Variants in SEC11C observed in about 807,000 individuals in gnomAD.
The protein encoded by SEC11C is signal peptidase complex catalytic subunit SEC11C.
SEC11C carries 10 observed loss-of-function variants against 21.9 expected under a neutral mutation model. The observed-to-expected ratio is 0.46, with a 90% CI of 0.28 to 0.77. The LOEUF is 0.77. SEC11C is among the 30% of genes least tolerant of loss of function. The probability of loss-of-function intolerance (pLI) is 0.12; values close to 1 mark genes in which losing one functional copy is unlikely to be tolerated. For missense variants in SEC11C, 145 were observed against 244.5 expected (o/e 0.59, Z 2.71); for synonymous variants, 83 against 85.6 (o/e 0.97, Z 0.17).
chr18:59,152,578 C>G lies in SEC11C; in HGVS notation c.240C>G (p.Phe80Leu), dbSNP rs187865687. ...CCTTTCACAGAGGAGACCTCCTGTTCCTCACAAATTTCCGGGAAGACCCAA... is the reference window on the plus strand; with the variant it reads ...CCTTTCACAGAGGAGACCTCCTGTTGCTCACAAATTTCCGGGAAGACCCAA... ...EPAFHRGDLLFLTNFREDPIR... is the reference protein window; with the variant it reads ...EPAFHRGDLLLLTNFREDPIR... Residue 80 changes from phenylalanine to leucine, a missense_variant, in exon 3 of 6, where the codon TTC becomes TTG. Coordinates refer to ENST00000587834, the MANE Select transcript of SEC11C (RefSeq NM_033280.4). 1.2e-6 allele frequency: 2 copies of G among 1,612,534 alleles called. No homozygotes were observed. The highest frequency in any genetic ancestry group is 1.3e-5 in the African/African-American group (1 of 74,820).
chr18:59,149,830 C>T (rs4940844), intron 2 of SEC11C, among the ~76,000 whole-genome samples: 48,041 of 152,118 alleles, frequency 0.32, 8,239 homozygotes, highest in African/African-American at 0.45. Context: ...TCTTAGTAGA[C>T]ATTTTAGAGC....
Position 59,155,808 on chromosome 18 carries a change from G to A in SEC11C, c.467+1G>A. On this transcript the variant is annotated splice_donor_variant, in intron 4 of 5. Coordinates refer to ENST00000587834, the MANE Select transcript of SEC11C (RefSeq NM_033280.4). LOFTEE classifies it high-confidence loss of function. ...AGGACGTGGTGGGAAGAGCAAGAGG[G>A]TGAGGATTCACCTTTAAGTTATATA... 1 of 1,613,514 alleles carries A rather than the reference G, an allele frequency of 6.2e-7. No individual in the cohort carries two copies. Among genetic ancestry groups the A allele is most frequent in the Non-Finnish European group, 8.5e-7 (1 of 1,179,710 alleles).
At chr18:59,142,031 A>C (rs2069216561) in intron 1 of SEC11C, among the ~76,000 whole-genome samples, 1 of 152,178 alleles carries the variant, frequency 6.6e-6, no homozygotes, top group African/African-American at 2.4e-5. Flanking sequence ...GAACAACAAC[A>C]AAAGCACCTG....
At chr18:59,140,569 C>T (rs139718349) in intron 1 of SEC11C, among the ~76,000 whole-genome samples, 101 of 152,300 alleles carry the variant, frequency 6.6e-4, no homozygotes, top group African/African-American at 2.4e-3. Context: ...AAATAATGCT[C>T]CTTGTGCCTA....
intron 1 of SEC11C, among the ~76,000 whole-genome samples, chr18:59,149,174 G>T (rs920042426): frequency 6.6e-6 from 1 of 152,212 alleles, no homozygotes; most frequent in Admixed American, 6.5e-5. Flanking sequence ...GGTCTGCATC[G>T]GGAGGCTCTG....
At chr18:59,158,082 A>G (rs1355855616) in intron 5 of SEC11C, among the ~76,000 whole-genome samples, 1 of 152,056 alleles carries the variant, frequency 6.6e-6, no homozygotes, top group Admixed American at 6.6e-5. Flanking sequence ...TTTGGACGGA[A>G]TCTGGCTCTG....
chr18:59,140,405 G>C (rs888382662), intron 1 of SEC11C, among the ~76,000 whole-genome samples: 4 of 152,228 alleles, frequency 2.6e-5, no homozygotes, highest in African/African-American at 9.6e-5. Flanking sequence ...TTCTCTGTGG[G>C]GCTTCAGAGG....
intron 3 of SEC11C, among the ~76,000 whole-genome samples, chr18:59,154,045 G>T (rs1325215452): frequency 6.6e-6 from 1 of 152,058 alleles, no homozygotes; most frequent in Non-Finnish European, 1.5e-5. Flanking sequence ...CACAGATATT[G>T]ATACTTATTC....
At chr18:59,147,270 C>T (rs1231678642) in intron 1 of SEC11C, 1 of 152,166 alleles carries the variant, frequency 6.6e-6, no homozygotes, top group East Asian at 1.9e-4. Flanking sequence ...CACATTCCAT[C>T]TCAGTTAATA....
intron 1 of SEC11C, among the ~76,000 whole-genome samples, chr18:59,145,603 G>T (rs991836764): frequency 3.3e-5 from 5 of 152,182 alleles, no homozygotes; most frequent in Non-Finnish European, 5.9e-5. Context: ...ATCAGACAGG[G>T]CCTTAGAGGC....
At chr18:59,152,487 C>A in intron 2 of SEC11C, 49 bp from the exon 3 acceptor site, 1 of 1,538,618 alleles carries the variant, frequency 6.5e-7, no homozygotes, top group Non-Finnish European at 8.7e-7. Flanking sequence ...ATTCTGATCG[C>A]CTTTTGGACA....
At chr18:59,146,325 G>A (rs185332193) in intron 1 of SEC11C, among the ~76,000 whole-genome samples, 12 of 152,338 alleles carry the variant, frequency 7.9e-5, no homozygotes, top group Admixed American at 5.2e-4. Flanking sequence ...GAGAAGGTAA[G>A]TTTAATTTTG....
chr18:59,144,505 A>C (rs11152128), intron 1 of SEC11C, among the ~76,000 whole-genome samples: 68,915 of 151,934 alleles, frequency 0.45, 16,267 homozygotes, highest in East Asian at 0.63. Flanking sequence ...GGATTGCTTG[A>C]GGCTAGTATG....
In SEC11C at chr18:59,146,745, T is replaced by G. The variant is rs150663155; in HGVS notation, c.88-2768T>G. Among the ~76,000 whole-genome samples, 5 of 152,048 alleles carry G rather than the reference T, an allele frequency of 3.3e-5. No individual in the cohort carries two copies. The East Asian group carries it at 9.7e-4, about 29-fold the overall frequency. ...GTGAAGGAGAAGAGAGTGTGAAAGC[T>G]GGAGGAGGATGTGAGGTGGAGGAAG... On this transcript the variant is annotated intron_variant, in intron 1 of 5. Transcript: ENST00000587834.
intron 1 of SEC11C, among the ~76,000 whole-genome samples, chr18:59,148,329 G>A (rs1199581551): frequency 6.6e-6 from 1 of 152,224 alleles, no homozygotes; most frequent in Admixed American, 6.5e-5. Flanking sequence ...CTTGCGCCTG[G>A]AAGGAAGGCG....
intron 1 of SEC11C, among the ~76,000 whole-genome samples, chr18:59,141,358 G>A (rs2069208018): frequency 6.6e-6 from 1 of 152,204 alleles, no homozygotes; most frequent in Non-Finnish European, 1.5e-5. Flanking sequence ...CATTGATGCT[G>A]TTCACAAGAA....
chr18:59,145,451 A>C (rs1009419396), intron 1 of SEC11C, among the ~76,000 whole-genome samples: 1 of 152,208 alleles, frequency 6.6e-6, no homozygotes, highest in African/African-American at 2.4e-5. Context: ...GTGTTTGGTA[A>C]ACTAAGGGGT....
chr18:59,150,138 A>G (rs2069330568), intron 2 of SEC11C, among the ~76,000 whole-genome samples: 1 of 152,218 alleles, frequency 6.6e-6, no homozygotes, highest in South Asian at 2.1e-4. Flanking sequence ...ATTAGAGTTA[A>G]CTTCACACAG....
In SEC11C at chr18:59,142,476, A is replaced by G. The variant is rs545917029; in HGVS notation, c.87+2441A>G. 5.3e-5 allele frequency among the ~76,000 whole-genome samples: 8 copies of G among 152,326 alleles called. No individual in the cohort carries two copies. The East Asian group carries it at 1.5e-3, about 29-fold the overall frequency. On this transcript the variant is annotated intron_variant, in intron 1 of 5. Coordinates refer to ENST00000587834, the MANE Select transcript of SEC11C (RefSeq NM_033280.4). ...TTCCTCATCAGATCTGTAATTCATA[A>G]TGAAACAGCGGTTATTTATCAAATC...
Sources: allele counts gnomAD v4.1 joint callset (sites outside exome capture counted in the v4.1 genomes callset), GRCh38; gene constraint gnomAD v4.1.1; transcripts MANE v1.5; gene names NCBI Gene and HGNC (gene_info 2026-07-23, HGNC 2026-07-21).